UBE2F: variants seen among roughly 807,000 people sequenced by gnomAD.
UBE2F encodes the protein NEDD8-conjugating enzyme UBE2F.
Under a neutral mutation model 29.6 loss-of-function variants are expected in UBE2F, and 5 were observed. That is an observed-to-expected ratio of 0.17 (90% CI 0.09 to 0.36). The LOEUF (loss-of-function observed/expected upper bound fraction) is 0.36. Among genes scored for constraint, UBE2F ranks in the 10% least tolerant of loss-of-function variants. The pLI is 1.00. For synonymous variants in UBE2F, 66 were observed against 81.8 expected (o/e 0.81, Z 1.04); for missense variants, 141 against 228.5 (o/e 0.62, Z 2.47).
chr2:238,005,510 G>A (rs983168594), intron 4 of UBE2F, among the ~76,000 whole-genome samples: 6 of 152,090 alleles, frequency 3.9e-5, no homozygotes, highest in Non-Finnish European at 7.4e-5. Context: ...TTTTTTAAAA[G>A]CAGAAGTTTT....
chr2:238,027,778 C>T (rs1486694251), intron 6 of UBE2F, among the ~76,000 whole-genome samples: 1 of 152,218 alleles, frequency 6.6e-6, no homozygotes, highest in Non-Finnish European at 1.5e-5. Flanking sequence ...TTTGTGGTGA[C>T]GCTGACAGCA....
At chr2:238,030,640 A>G (rs752241281) in intron 7 of UBE2F, 27 bp downstream of exon 7, 58 of 1,595,696 alleles carry the variant, frequency 3.6e-5, no homozygotes, top group Non-Finnish European at 4.8e-5. Flanking sequence ...GATCTTGATC[A>G]TAAGTTGTCC....
chr2:238,027,304 G>A (rs941862683), intron 6 of UBE2F, among the ~76,000 whole-genome samples: 5 of 152,174 alleles, frequency 3.3e-5, no homozygotes, highest in Non-Finnish European at 5.9e-5. Context: ...TAAAAAAGAC[G>A]GATACTTCTC....
intron 6 of UBE2F, among the ~76,000 whole-genome samples, chr2:238,029,633 A>T (rs1294016057): frequency 6.6e-6 from 1 of 150,986 alleles, no homozygotes; most frequent in East Asian, 1.9e-4. Flanking sequence ...AAAATGTCAT[A>T]TGCTGGGAGC....
intron 4 of UBE2F, among the ~76,000 whole-genome samples, chr2:238,005,000 C>T (rs780054969): frequency 1.3e-5 from 2 of 152,066 alleles, no homozygotes; most frequent in Non-Finnish European, 2.9e-5. Flanking sequence ...GCCCTCTTGC[C>T]AACTTCATGA....
At chr2:238,035,446 A>C (rs1474511785) in intron 8 of UBE2F, 1 of 181,450 alleles carries the variant, frequency 5.5e-6, no homozygotes, top group African/African-American at 2.4e-5. Flanking sequence ...GAGAAAGGAA[A>C]GTCCAGGGAA....
At chr2:237,972,203 T>A (rs994350144) in intron 1 of UBE2F, among the ~76,000 whole-genome samples, 10 of 152,198 alleles carry the variant, frequency 6.6e-5, no homozygotes, top group African/African-American at 2.4e-4. Context: ...CATGAATAAA[T>A]GAGAAGATGC....
chr2:238,016,236 C>T (rs567510010), intron 4 of UBE2F, among the ~76,000 whole-genome samples: 8 of 152,204 alleles, frequency 5.3e-5, no homozygotes, highest in African/African-American at 1.9e-4. Context: ...GAGATGTGTT[C>T]GGAGGGTTGT....
In UBE2F at chr2:237,991,609, C is replaced by CT. The variant is rs774476848; in HGVS notation, c.149-3122dup. On this transcript the variant is annotated intron_variant, in intron 3 of 9. Coordinates refer to ENST00000272930, the MANE Select transcript of UBE2F (RefSeq NM_080678.3). The stretch of plus-strand genomic sequence containing the variant: ...AACCTTTCTTTTCTTTTCTTTCTTT[C>CT]TTTTTTTTTTTTTGAGACAGTCTTG... Among the ~76,000 whole-genome samples, 49 of 53,060 alleles carry CT rather than the reference C, an allele frequency of 9.2e-4. 1 individual carries two copies. The highest frequency in any genetic ancestry group is 1.1e-3 in the Non-Finnish European group (31 of 28,696). 34.8% of individuals were successfully genotyped at this position (53,060 alleles called of 152,430 possible). A position where few individuals can be genotyped will look rare whatever the true frequency, so the allele number is the denominator to read the frequency against.
At chr2:238,019,273 C>T (rs533979145) in intron 5 of UBE2F, among the ~76,000 whole-genome samples, 24 of 152,314 alleles carry the variant, frequency 1.6e-4, no homozygotes, top group African/African-American at 5.5e-4. Context: ...CCCATGTTCT[C>T]AAACCCAGAA....
chr2:238,003,665 G>T (rs556113904), intron 4 of UBE2F: 4 of 174,290 alleles, frequency 2.3e-5, no homozygotes, highest in South Asian at 1.2e-4. Flanking sequence ...AAGTTTTTTG[G>T]CATTTAAAAA....
chr2:238,006,728 A>G (rs2063914596), intron 4 of UBE2F, among the ~76,000 whole-genome samples: 2 of 150,722 alleles, frequency 1.3e-5, no homozygotes, highest in Non-Finnish European at 2.9e-5. Context: ...GGTAGGAGGG[A>G]CATCCTTGGC....
intron 9 of UBE2F, 132 bp from the exon 10 acceptor site, chr2:238,041,156 A>T: frequency 2.4e-6 from 2 of 819,376 alleles, no homozygotes; most frequent in Non-Finnish European, 4.1e-6. Context: ...GCAAGGTCCC[A>T]GTCCTTCTAC....
intron 4 of UBE2F, among the ~76,000 whole-genome samples, chr2:238,007,464 G>A (rs1317407648): frequency 6.6e-6 from 1 of 151,914 alleles, no homozygotes; most frequent in East Asian, 1.9e-4. Flanking sequence ...AGGTTGAGAA[G>A]TTCTTTTCTA....
intron 8 of UBE2F, among the ~76,000 whole-genome samples, chr2:238,034,665 T>C (rs1253884199): frequency 6.6e-6 from 1 of 152,206 alleles, no homozygotes; most frequent in Non-Finnish European, 1.5e-5. Flanking sequence ...TTTCTAGGAC[T>C]TGGAATCTGA....
chr2:238,040,860 G>A lies in UBE2F; in HGVS notation c.508-428G>A, dbSNP rs2064823394. Among the ~76,000 whole-genome samples the A allele has an allele frequency of 6.6e-6, 1 of 151,984 alleles. No individual in the cohort carries two copies. Among genetic ancestry groups the A allele is most frequent in the South Asian group, 2.1e-4 (1 of 4,818 alleles). Reference sequence around the variant, plus strand: ...AGAGCAGGCACATTTTAAGTAGGTAGCAGCATCCAGGGAAATCATTCTAGG... The same window carrying A: ...AGAGCAGGCACATTTTAAGTAGGTAACAGCATCCAGGGAAATCATTCTAGG... On this transcript the variant is annotated intron_variant, in intron 9 of 9. Transcript: ENST00000272930. The surrounding 1 kb of genome is among the most constrained non-coding windows in gnomAD (Gnocchi z 4.4).
At chr2:238,022,754 G>T (rs2064325832) in intron 5 of UBE2F, among the ~76,000 whole-genome samples, 1 of 152,172 alleles carries the variant, frequency 6.6e-6, no homozygotes, top group Non-Finnish European at 1.5e-5. Flanking sequence ...CTTCTGGCAG[G>T]GTGAGTGATG....
At chr2:237,983,617 A>T (rs919109959) in intron 2 of UBE2F, among the ~76,000 whole-genome samples, 1 of 152,022 alleles carries the variant, frequency 6.6e-6, no homozygotes, top group Non-Finnish European at 1.5e-5. Flanking sequence ...TCTGGCCTCC[A>T]TTGCCCCTTC....
intron 1 of UBE2F, among the ~76,000 whole-genome samples, chr2:237,971,281 A>C (rs2063171325): frequency 6.6e-6 from 1 of 152,232 alleles, no homozygotes; most frequent in African/African-American, 2.4e-5. Context: ...TACGAAAGCA[A>C]CAAAGGAAAT....
Sources: allele counts gnomAD v4.1 joint callset (sites outside exome capture counted in the v4.1 genomes callset), GRCh38; gene constraint gnomAD v4.1.1; non-coding constraint Gnocchi (gnomAD v3.1); transcripts MANE v1.5; gene names NCBI Gene and HGNC (gene_info 2026-07-23, HGNC 2026-07-21).